Variants in C1orf146 observed in about 807,000 individuals in gnomAD.
C1orf146 encodes chromosome 1 open reading frame 146, also known as protein SPO16 homolog.
In C1orf146, 22 loss-of-function variants were observed where a neutral mutation model predicts 23.0. That is an observed-to-expected ratio of 0.96 (90% confidence interval 0.68 to 1.36). The LOEUF (loss-of-function observed/expected upper bound fraction) is 1.36. Among genes scored for constraint, C1orf146 ranks in the 40% most tolerant of loss-of-function variants. The pLI, the probability that C1orf146 is intolerant of heterozygous loss-of-function variation, is 0.00. For synonymous variants in C1orf146, 59 were observed against 65.3 expected, an observed-to-expected ratio of 0.90 and a Z score of 0.47; for missense variants, 199 against 206.8, an observed-to-expected ratio of 0.96 and a Z score of 0.23.
At position 92,219,521 on chromosome 1, in the gene C1orf146, T is replaced by TTA. The variant is rs1553129352; in HGVS notation, c.-40+1473_-40+1474insTA. Among the ~76,000 whole-genome samples the TTA allele has an allele frequency of 4.3e-3, 609 of 141,912 alleles. 8 individuals are homozygous for TTA. The highest frequency in any genetic ancestry group is 0.017 in the African/African-American group (580 of 35,080). The allele number at this position is 141,912 out of a possible 152,430, so 93.1% of individuals were successfully genotyped here. A position where few individuals can be genotyped will look rare whatever the true frequency, so the allele number is the denominator to read the frequency against. On this transcript the variant is annotated intron_variant, in intron 1 of 5. Transcript: ENST00000370375. Reference sequence around the variant, plus strand: ...CTTTTTTTTTTTTTTTTTTTTTTTTTAAGACAGAGTCTCGCTCTATCACCC... The same window carrying TTA: ...CTTTTTTTTTTTTTTTTTTTTTTTTTTAAAGACAGAGTCTCGCTCTATCACCC...
chr1:92,236,131 G>T (rs1194499701), intron 2 of C1orf146, among the ~76,000 whole-genome samples: 1 of 151,816 alleles, frequency 6.6e-6, no homozygotes, highest in Non-Finnish European at 1.5e-5. Flanking sequence ...ATTGTTATGT[G>T]TGAATTTGAT....
chr1:92,229,712 G>T (rs1652062848), intron 1 of C1orf146, among the ~76,000 whole-genome samples: 1 of 152,084 alleles, frequency 6.6e-6, no homozygotes, highest in Non-Finnish European at 1.5e-5. Flanking sequence ...TGTGTATCAA[G>T]AATTACCCTA....
chr1:92,243,791 T>C (rs1027617692), intron 3 of C1orf146, among the ~76,000 whole-genome samples: 3 of 152,076 alleles, frequency 2.0e-5, no homozygotes, highest in African/African-American at 4.8e-5. Context: ...CCTTCCCACA[T>C]ACCTAGCCCT....
intron 1 of C1orf146, among the ~76,000 whole-genome samples, chr1:92,219,738 T>C (rs554166976): frequency 9.5e-4 from 144 of 152,194 alleles, no homozygotes; most frequent in African/African-American, 3.3e-3. Flanking sequence ...CACTGCAGCC[T>C]CAAACTCTTG....
In C1orf146 at chr1:92,231,462, C is replaced by A. The variant is rs1652118297; in HGVS notation, c.42C>A (p.Thr14=). ...AAGAAAAAATAAAATGGACAACCAC[C>A]ATTATTATTAGCTCATCTCTTAAGG... The part of the protein sequence containing the change: ...SGKEKIKWTT[T]IIISSSLKSY... Residue 14 remains threonine (T), a synonymous_variant, in exon 2 of 6, where the codon ACC becomes ACA. Transcript: ENST00000370375. 8 of 1,610,976 alleles carry A rather than the reference C, an allele frequency of 5.0e-6. No individual in the cohort carries two copies. Among genetic ancestry groups the A allele is most frequent in the Non-Finnish European group, 6.8e-6 (8 of 1,178,918 alleles).
At position 92,242,205 on chromosome 1, in the gene C1orf146, A is replaced by C. The variant is rs569968354; in HGVS notation, c.67-7A>C. On this transcript the variant is annotated splice_region_variant and splice_polypyrimidine_tract_variant and intron_variant, in intron 2 of 5. Coordinates refer to ENST00000370375, the MANE Select transcript of C1orf146 (RefSeq NM_001012425.2). ...TAAATTTGTATTTCTGATATTTTTT[A>C]AAAAAGAGTTATGAAGTTGCAACTG... The C allele has an allele frequency of 1.3e-6, 2 of 1,529,682 alleles. No individual in the cohort carries two copies. Among genetic ancestry groups the C allele is most frequent in the Non-Finnish European group, 1.8e-6 (2 of 1,120,510 alleles). The allele number at this position is 1,529,682 out of a possible 1,614,324, so 94.8% of individuals were successfully genotyped here.
At chr1:92,243,027 AC>A (rs1311376449) in intron 3 of C1orf146, among the ~76,000 whole-genome samples, 1 of 152,362 alleles carries the variant, frequency 6.6e-6, no homozygotes, top group Non-Finnish European at 1.5e-5. Context: ...CTGGTTAAAT[AC>A]AGAACCCTCC....
chr1:92,235,959 T>C (rs1652266049), intron 2 of C1orf146, among the ~76,000 whole-genome samples: 1 of 151,976 alleles, frequency 6.6e-6, no homozygotes, highest in Non-Finnish European at 1.5e-5. Context: ...TTTCCATTTG[T>C]TTGGTAGATC....
At chr1:92,231,273 T>A in intron 1 of C1orf146, 109 bp from the exon 2 acceptor site, 1 of 550,368 alleles carries the variant, frequency 1.8e-6, no homozygotes, top group Non-Finnish European at 3.2e-6. Flanking sequence ...CAAATTTTGA[T>A]GTTCAAATAT....
chr1:92,226,110 C>T (rs1273825635), intron 1 of C1orf146, among the ~76,000 whole-genome samples: 6 of 152,192 alleles, frequency 3.9e-5, no homozygotes, highest in African/African-American at 1.2e-4. Context: ...ACCGTCACCA[C>T]TATTAAGTCT....
chr1:92,236,849 T>A, intron 2 of C1orf146, among the ~76,000 whole-genome samples: 1 of 152,200 alleles, frequency 6.6e-6, no homozygotes, highest in Non-Finnish European at 1.5e-5. Flanking sequence ...CTCGCTTCAT[T>A]TCATTCATTT....
intron 3 of C1orf146, 57 bp from the exon 4 acceptor site, chr1:92,244,160 A>G: frequency 2.4e-6 from 3 of 1,262,316 alleles, no homozygotes; most frequent in Non-Finnish European, 3.4e-6. Flanking sequence ...TTGAGTTTAT[A>G]ACAAAATTTC....
chr1:92,235,895 G>A (rs1457532153), intron 2 of C1orf146, among the ~76,000 whole-genome samples: 3 of 151,904 alleles, frequency 2.0e-5, no homozygotes, highest in African/African-American at 7.3e-5. Flanking sequence ...GATCTTTGTT[G>A]GTTTAAAGTC....
chr1:92,220,661 T>C (rs1651797605), intron 1 of C1orf146, among the ~76,000 whole-genome samples: 1 of 152,228 alleles, frequency 6.6e-6, no homozygotes, highest in Non-Finnish European at 1.5e-5. Context: ...TAATATGCAA[T>C]GCATGACTGT....
intron 2 of C1orf146, 136 bp from the exon 3 acceptor site, chr1:92,242,076 T>TA: frequency 2.1e-6 from 1 of 476,758 alleles, no homozygotes; most frequent in Non-Finnish European, 3.7e-6. Context: ...ATAGAAAGCA[T>TA]ATTTATTTAT....
At chr1:92,239,711 A>G (rs1270116110) in intron 2 of C1orf146, among the ~76,000 whole-genome samples, 1 of 151,976 alleles carries the variant, frequency 6.6e-6, no homozygotes, top group South Asian at 2.1e-4. Context: ...AGATCATGCC[A>G]TTGCACTCCA....
At chr1:92,227,269 G>A (rs532035692) in intron 1 of C1orf146, among the ~76,000 whole-genome samples, 7 of 152,244 alleles carry the variant, frequency 4.6e-5, no homozygotes, top group South Asian at 2.1e-4. Context: ...TTGGCCGGGC[G>A]TGGTGGCTCA....
rs1652118297 is a variant in C1orf146 at position 92,231,462 on chromosome 1, C to T, written c.42C>T (p.Thr14=). ...SGKEKIKWTT[T]IIISSSLKSY... Reference sequence around the variant, plus strand: ...AAGAAAAAATAAAATGGACAACCACCATTATTATTAGCTCATCTCTTAAGG... The same window carrying T: ...AAGAAAAAATAAAATGGACAACCACTATTATTATTAGCTCATCTCTTAAGG... The change falls in exon 2 of 6, where the codon ACC becomes ACT. Residue 14 remains threonine (T), a synonymous_variant. Transcript: ENST00000370375. 1 of 1,610,976 alleles carries T rather than the reference C, an allele frequency of 6.2e-7. No homozygotes were observed. Among genetic ancestry groups the T allele is most frequent in the Non-Finnish European group, 8.5e-7 (1 of 1,178,918 alleles).
intron 1 of C1orf146, among the ~76,000 whole-genome samples, chr1:92,219,728 C>T (rs1252222216): frequency 1.3e-5 from 2 of 151,984 alleles, no homozygotes; most frequent in East Asian, 1.9e-4. Flanking sequence ...AAACATAATG[C>T]ACTGCAGCCT....
Sources: allele counts gnomAD v4.1 joint callset (sites outside exome capture counted in the v4.1 genomes callset), GRCh38; gene constraint gnomAD v4.1.1; transcripts MANE v1.5; gene names NCBI Gene and HGNC (gene_info 2026-07-23, HGNC 2026-07-21).